GPR141: variants seen among roughly 807,000 people sequenced by gnomAD.
GPR141 encodes the protein G protein-coupled receptor 141.
A neutral mutation model predicts 6.8 loss-of-function variants in GPR141; 6 were observed. The observed-to-expected ratio is 0.88, with a 90% confidence interval of 0.48 to 1.74. The LOEUF (loss-of-function observed/expected upper bound fraction) is 1.74, where lower values mean the gene tolerates loss of function less well. Ranked by LOEUF, GPR141 falls within the 40% of genes most tolerant of loss-of-function variation. The pLI is 0.01. For synonymous variants in GPR141, 140 were observed against 142.3 expected (o/e 0.98, Z 0.11); for missense variants, 372 against 372.9 (o/e 1.00, Z 0.02).
intron 2 of GPR141, among the ~76,000 whole-genome samples, chr7:37,735,762 C>G (rs984952033): frequency 6.6e-6 from 1 of 151,900 alleles, no homozygotes; most frequent in African/African-American, 2.4e-5. Context: ...ATGTTCTTGA[C>G]GAGCCTTTTG....
chr7:37,705,666 A>G (rs748990674), intron 2 of GPR141, among the ~76,000 whole-genome samples: 6 of 152,202 alleles, frequency 3.9e-5, no homozygotes, highest in Non-Finnish European at 8.8e-5. Context: ...CCAAAGCCTG[A>G]GGCTGAAAAT....
chr7:37,735,428 C>G (rs1010575222), intron 2 of GPR141, among the ~76,000 whole-genome samples: 2 of 152,104 alleles, frequency 1.3e-5, no homozygotes, highest in Admixed American at 1.3e-4. Context: ...TTTATAAGAC[C>G]AGGATTTGAA....
At chr7:37,688,358 G>A (rs1303940554) in intron 2 of GPR141, among the ~76,000 whole-genome samples, 1 of 152,176 alleles carries the variant, frequency 6.6e-6, no homozygotes, top group East Asian at 1.9e-4. Context: ...CTTAAACCCA[G>A]GAGGCAGAGG....
chr7:37,732,168 G>A (rs2131846033), intron 2 of GPR141, among the ~76,000 whole-genome samples: 2 of 135,660 alleles, frequency 1.5e-5, no homozygotes, highest in South Asian at 4.7e-4. Flanking sequence ...TTTTGAGATG[G>A]AGTCTCACTC....
At chr7:37,728,549 C>T (rs1007815810) in intron 2 of GPR141, among the ~76,000 whole-genome samples, 1 of 152,042 alleles carries the variant, frequency 6.6e-6, no homozygotes, top group Non-Finnish European at 1.5e-5. Context: ...TTGGCTCTAC[C>T]ATAGGTTTCT....
At chr7:37,740,249 C>A in intron 2 of GPR141, 131 bp from the exon 3 acceptor site, 1 of 657,514 alleles carries the variant, frequency 1.5e-6, no homozygotes, top group Non-Finnish European at 2.7e-6. Context: ...AAATAATCTT[C>A]ATTCTTAAAG....
At chr7:37,717,829 C>T (rs542415312) in intron 2 of GPR141, among the ~76,000 whole-genome samples, 2 of 152,188 alleles carry the variant, frequency 1.3e-5, no homozygotes, top group Non-Finnish European at 2.9e-5. Flanking sequence ...CGTTACTGAA[C>T]AATCTTTATA....
chr7:37,739,311 A>T (rs77409466), intron 2 of GPR141, among the ~76,000 whole-genome samples: 1 of 152,320 alleles, frequency 6.6e-6, no homozygotes, highest in African/African-American at 2.4e-5. Flanking sequence ...ACATACCTCT[A>T]ATAACACAAT....
intron 2 of GPR141, among the ~76,000 whole-genome samples, chr7:37,691,808 T>C (rs1809783494): frequency 6.6e-6 from 1 of 152,000 alleles, no homozygotes; most frequent in South Asian, 2.1e-4. Flanking sequence ...AGTGGAGTTT[T>C]TTCCCCCCCT....
chr7:37,697,191 T>C (rs200747090), intron 2 of GPR141, among the ~76,000 whole-genome samples: 9 of 149,440 alleles, frequency 6.0e-5, no homozygotes, highest in East Asian at 2.0e-4. Flanking sequence ...TGTTTTTTTT[T>C]CCCAGATACT....
At chr7:37,736,642 A>G (rs1248147879) in intron 2 of GPR141, among the ~76,000 whole-genome samples, 1 of 152,192 alleles carries the variant, frequency 6.6e-6, no homozygotes, top group Non-Finnish European at 1.5e-5. Context: ...ACAATGTAAT[A>G]ACATCTTTAA....
intron 2 of GPR141, among the ~76,000 whole-genome samples, chr7:37,710,768 T>G (rs1810759576): frequency 6.6e-6 from 1 of 152,230 alleles, no homozygotes; most frequent in Non-Finnish European, 1.5e-5. Context: ...AGCTAGAAAG[T>G]AATAGGAGGG....
chr7:37,728,412 A>T (rs868795651), intron 2 of GPR141, among the ~76,000 whole-genome samples: 3 of 152,156 alleles, frequency 2.0e-5, no homozygotes, highest in South Asian at 4.2e-4. Context: ...GTCTGTTTTA[A>T]AATGGTGCAG....
At chr7:37,711,244 G>T (rs1162594518) in intron 2 of GPR141, among the ~76,000 whole-genome samples, 1 of 152,172 alleles carries the variant, frequency 6.6e-6, no homozygotes, top group Non-Finnish European at 1.5e-5. Flanking sequence ...TCACCCCAGA[G>T]ACTCTGTTTC....
rs1812559183 is a variant in GPR141 at position 37,741,404 on chromosome 7, A to G, written c.*93A>G. The stretch of plus-strand genomic sequence containing the variant: ...GAATGGTATTTCATTACTTGATCAA[A>G]ACCATGCCTTGATGTACCCAAAACA... On this transcript the variant is annotated 3_prime_UTR_variant, in exon 3 of 3. Transcript: ENST00000334425. The G allele has an allele frequency of 2.1e-6, 2 of 961,404 alleles. No individual in the cohort carries two copies. 59.6% of individuals were successfully genotyped at this position (961,404 alleles called of 1,614,324 possible).
At chr7:37,714,149 T>G (rs1425289877) in intron 2 of GPR141, among the ~76,000 whole-genome samples, 1 of 152,230 alleles carries the variant, frequency 6.6e-6, no homozygotes, top group East Asian at 1.9e-4. Flanking sequence ...TCTCTTTTTA[T>G]TCTCTTGAGA....
chr7:37,692,841 GTTGT>G (rs1809839637), intron 2 of GPR141, among the ~76,000 whole-genome samples: 1 of 152,110 alleles, frequency 6.6e-6, no homozygotes, highest in Non-Finnish European at 1.5e-5. Context: ...TTTTGATGGG[GTTGT>G]TTGTTTTTTC....
At chr7:37,729,603 T>G (rs902388384) in intron 2 of GPR141, among the ~76,000 whole-genome samples, 1 of 152,054 alleles carries the variant, frequency 6.6e-6, no homozygotes, top group Admixed American at 6.5e-5. Context: ...AAACAGAGAA[T>G]AAGACAACAA....
Position 37,741,482 on chromosome 7 carries a change from C to A in GPR141, c.*171C>A. On this transcript the variant is annotated 3_prime_UTR_variant, in exon 3 of 3. Coordinates refer to ENST00000334425, the MANE Select transcript of GPR141 (RefSeq NM_001381946.1). ...ATTGTAGTCCTTATGGGATCCCTCC[C>A]ATCTCTGAGTGATGGCCGTACAAAG... 1.8e-6 allele frequency: 1 copy of A among 558,588 alleles called. No individual in the cohort carries two copies. The highest frequency in any genetic ancestry group is 3.5e-5 in the Admixed American group (1 of 28,740). The allele number at this position is 558,588 out of a possible 1,614,324, so 34.6% of individuals were successfully genotyped here.
Sources: allele counts gnomAD v4.1 joint callset (sites outside exome capture counted in the v4.1 genomes callset), GRCh38; gene constraint gnomAD v4.1.1; transcripts MANE v1.5; gene names NCBI Gene and HGNC (gene_info 2026-07-23, HGNC 2026-07-21).